Variants in ZMIZ1 observed in about 807,000 individuals in gnomAD.
ZMIZ1 encodes the protein zinc finger MIZ-type containing 1.
ZMIZ1 carries 17 observed loss-of-function variants against 113.9 expected under a neutral mutation model. The ratio of observed to expected loss-of-function variants is 0.15; its 90% confidence interval spans 0.10 to 0.22. ZMIZ1 has a LOEUF of 0.22. Ranked by LOEUF, ZMIZ1 falls within the 10% of genes least tolerant of loss-of-function variation. The pLI is 1.00. For synonymous variants in ZMIZ1, 607 were observed against 603.1 expected (o/e 1.01, Z -0.09); for missense variants, 1,059 against 1,477.8 (o/e 0.72, Z 4.65).
At chr10:79,267,411 T>G (rs1851672592) in intron 7 of ZMIZ1, among the ~76,000 whole-genome samples, 1 of 152,258 alleles carries the variant, frequency 6.6e-6, no homozygotes, top group Non-Finnish European at 1.5e-5. Flanking sequence ...AGGGAACATG[T>G]ATACTACAGC....
chr10:79,240,019 G>A (rs551282111), intron 7 of ZMIZ1, among the ~76,000 whole-genome samples: 1 of 152,266 alleles, frequency 6.6e-6, no homozygotes, highest in African/African-American at 2.4e-5. Flanking sequence ...CTTCCCGGCT[G>A]CAGCGCCGTG....
intron 1 of ZMIZ1, among the ~76,000 whole-genome samples, chr10:79,113,365 C>T (rs1843830935): frequency 6.6e-6 from 1 of 152,210 alleles, no homozygotes; most frequent in Non-Finnish European, 1.5e-5. Context: ...TGAGTCAGAG[C>T]CAGGAAATGG....
chr10:79,266,780 A>T (rs1044008211), intron 7 of ZMIZ1, among the ~76,000 whole-genome samples: 2 of 152,124 alleles, frequency 1.3e-5, no homozygotes, highest in African/African-American at 4.8e-5. Context: ...TTTCTGGGGC[A>T]CCCAGCAGTG....
intron 4 of ZMIZ1, among the ~76,000 whole-genome samples, chr10:79,198,122 G>T (rs1847921193): frequency 6.6e-6 from 1 of 151,962 alleles, no homozygotes; most frequent in Non-Finnish European, 1.5e-5. Flanking sequence ...AGCCGGACGT[G>T]GTGGTGGGCG....
intron 1 of ZMIZ1, among the ~76,000 whole-genome samples, chr10:79,080,400 G>A (rs928881122): frequency 1.3e-5 from 2 of 149,894 alleles, no homozygotes; most frequent in Non-Finnish European, 3.0e-5. Context: ...TCTGCCTCCC[G>A]GGTTCAAGAG....
intron 3 of ZMIZ1, among the ~76,000 whole-genome samples, chr10:79,142,974 C>G (rs1845337877): frequency 6.6e-6 from 1 of 152,226 alleles, no homozygotes. Flanking sequence ...GTCAGAGCAC[C>G]TGCTCCCAGT....
At chr10:79,290,715 G>A (rs1853429820) in intron 9 of ZMIZ1, 5 of 686,222 alleles carry the variant, frequency 7.3e-6, no homozygotes, top group African/African-American at 1.8e-5. Flanking sequence ...TGTGGGGCTT[G>A]GTCATACCCT....
intron 1 of ZMIZ1, among the ~76,000 whole-genome samples, chr10:79,094,079 C>T (rs1843085311): frequency 6.6e-6 from 1 of 152,238 alleles, no homozygotes; most frequent in Non-Finnish European, 1.5e-5. Flanking sequence ...TTCATATTGA[C>T]ACCACAGACC....
At chr10:79,084,323 A>G (rs1443071893) in intron 1 of ZMIZ1, among the ~76,000 whole-genome samples, 3 of 151,960 alleles carry the variant, frequency 2.0e-5, no homozygotes, top group Non-Finnish European at 2.9e-5. Flanking sequence ...CTTCCTTCAC[A>G]CCTCCTCTTT....
At chr10:79,082,267 G>A (rs7914092) in intron 1 of ZMIZ1, among the ~76,000 whole-genome samples, 4,985 of 152,354 alleles carry the variant, frequency 0.033, 159 homozygotes, top group Middle Eastern at 0.088. Context: ...CAGCCTGGGG[G>A]CCGCTGCCCT....
intron 1 of ZMIZ1, among the ~76,000 whole-genome samples, chr10:79,101,626 G>A (rs1016833658): frequency 2.6e-5 from 4 of 152,156 alleles, no homozygotes; most frequent in Non-Finnish European, 5.9e-5. Context: ...GGGCCTACTT[G>A]TGCAGAGGGA....
At chr10:79,144,038 A>T (rs532896880) in intron 3 of ZMIZ1, among the ~76,000 whole-genome samples, 2 of 152,308 alleles carry the variant, frequency 1.3e-5, no homozygotes, top group East Asian at 3.9e-4. Context: ...AGCTGCTCTG[A>T]TGATGCATGG....
Position 79,244,999 on chromosome 10 carries a change from C to G in ZMIZ1, c.280+28725C>G, listed in dbSNP as rs116605049. ...CCTTTCCCCTTTTTTTGTGTATAAG[C>G]CAGGCAGTGACTACCCTCCAACTAG... On this transcript the variant is annotated intron_variant, in intron 7 of 24. Transcript: ENST00000334512. Among the ~76,000 whole-genome samples the G allele has an allele frequency of 2.8e-3, 431 of 152,286 alleles. 3 individuals are homozygous for G. Among genetic ancestry groups the G allele is most frequent in the African/African-American group, 1.0e-2 (415 of 41,550 alleles).
intron 7 of ZMIZ1, among the ~76,000 whole-genome samples, chr10:79,242,462 G>C (rs1196914633): frequency 6.6e-6 from 1 of 152,148 alleles, no homozygotes; most frequent in Non-Finnish European, 1.5e-5. Context: ...GTAAGATGCC[G>C]GGCCGCCTAC....
Position 79,311,053 on chromosome 10 carries a change from C to G in ZMIZ1, c.2965C>G (p.Pro989Ala), listed in dbSNP as rs757183814. The G allele has an allele frequency of 9.9e-6, 16 of 1,613,522 alleles. No individual in the cohort carries two copies. Among genetic ancestry groups the G allele is most frequent in the African/African-American group, 1.3e-5 (1 of 74,934 alleles). ...GGCTCCTCCTCCTCCTCCTTCCCAGCCTCCCCGGCAGCCGCCACAGGCCGC... is the reference window on the plus strand; with the variant it reads ...GGCTCCTCCTCCTCCTCCTTCCCAGGCTCCCCGGCAGCCGCCACAGGCCGC... ...SGAPPPPPSQ[P>A]PRQPPQAAPS... is the part of the protein sequence containing the mutation. The change falls in exon 24 of 25, where the codon CCT becomes GCT. Residue 989 changes from proline (P) to alanine (A), a missense_variant. Around this residue, in one of 6 missense-constraint regions of ZMIZ1, gnomAD observed 225 missense variants for 276.0 expected, o/e 0.82. Coordinates refer to ENST00000334512, the MANE Select transcript of ZMIZ1 (RefSeq NM_020338.4).
chr10:79,123,039 G>T lies in ZMIZ1; in HGVS notation c.-227+4015G>T, dbSNP rs569380393. The stretch of plus-strand genomic sequence containing the variant: ...CCACAAGTGATGTGGCCCAGTTCAC[G>T]TGGCTCGGCGGACTAGAGCCAGGTA... On this transcript the variant is annotated intron_variant, in intron 2 of 24. Transcript: ENST00000334512. Among the ~76,000 whole-genome samples the T allele has an allele frequency of 2.9e-4, 44 of 152,344 alleles. No individual in the cohort carries two copies. In the Middle Eastern group the frequency reaches 0.01, roughly 35 times the overall value.
At chr10:79,159,960 G>A (rs1344880404) in intron 3 of ZMIZ1, among the ~76,000 whole-genome samples, 2 of 152,224 alleles carry the variant, frequency 1.3e-5, no homozygotes, top group Admixed American at 6.5e-5. Context: ...CCGTTTCTCC[G>A]GGCCTGGCCG....
chr10:79,172,202 C>G (rs1355294115), intron 4 of ZMIZ1, among the ~76,000 whole-genome samples: 1 of 152,056 alleles, frequency 6.6e-6, no homozygotes, highest in Non-Finnish European at 1.5e-5. Flanking sequence ...CGTCACCCTC[C>G]TAAGGGCACA....
At chr10:79,260,669 A>G (rs1380416263) in intron 7 of ZMIZ1, among the ~76,000 whole-genome samples, 1 of 152,200 alleles carries the variant, frequency 6.6e-6, no homozygotes, top group Non-Finnish European at 1.5e-5. Context: ...TCAAAATAGC[A>G]TTTCAAAGTG....
Sources: allele counts gnomAD v4.1 joint callset (sites outside exome capture counted in the v4.1 genomes callset), GRCh38; gene constraint gnomAD v4.1.1; regional missense constraint gnomAD v4.1.1; transcripts MANE v1.5; gene names NCBI Gene and HGNC (gene_info 2026-07-23, HGNC 2026-07-21).